MARCHF10: variants seen among roughly 807,000 people sequenced by gnomAD.
MARCHF10 encodes membrane associated ring-CH-type finger 10, also known as probable E3 ubiquitin-protein ligase MARCHF10.
MARCHF10 carries 64 observed loss-of-function variants against 76.2 expected under a neutral mutation model. The observed-to-expected ratio is 0.84, with a 90% CI of 0.69 to 1.03. The LOEUF (loss-of-function observed/expected upper bound fraction) is 1.03. Ranked by LOEUF, MARCHF10 falls within the 50% of genes least tolerant of loss-of-function variation. The pLI is 0.00. For synonymous variants in MARCHF10, 340 were observed against 357.5 expected, an observed-to-expected ratio of 0.95 and a Z score of 0.55; for missense variants, 875 against 958.0, an observed-to-expected ratio of 0.91 and a Z score of 1.14.
intron 5 of MARCHF10, among the ~76,000 whole-genome samples, chr17:62,740,001 T>A (rs2091446894): frequency 6.6e-6 from 1 of 151,924 alleles, no homozygotes; most frequent in Admixed American, 6.6e-5. Context: ...CCCTGTCTCG[T>A]CACCACAATG....
At chr17:62,778,065 C>T (rs531846949) in intron 3 of MARCHF10, among the ~76,000 whole-genome samples, 38 of 152,296 alleles carry the variant, frequency 2.5e-4, no homozygotes, top group Admixed American at 1.9e-3. Flanking sequence ...TTGACTAGCT[C>T]CCAGCCTAAG....
At chr17:62,766,223 G>A (rs1018173089) in intron 3 of MARCHF10, among the ~76,000 whole-genome samples, 3 of 151,882 alleles carry the variant, frequency 2.0e-5, no homozygotes, top group Non-Finnish European at 2.9e-5. Context: ...AATTGGGGCC[G>A]GACGCGGTGG....
intron 1 of MARCHF10, among the ~76,000 whole-genome samples, chr17:62,802,378 C>T (rs373001890): frequency 1.3e-5 from 2 of 152,096 alleles, no homozygotes; most frequent in East Asian, 1.9e-4. Flanking sequence ...TGCCACCACG[C>T]CTGGCTAATT....
At chr17:62,788,759 C>T (rs1245156724) in intron 2 of MARCHF10, among the ~76,000 whole-genome samples, 160 bp from the exon 3 acceptor site, 1 of 152,196 alleles carries the variant, frequency 6.6e-6, no homozygotes, top group Non-Finnish European at 1.5e-5. Context: ...TATCACTCTT[C>T]CCTTTGCTTA....
chr17:62,715,570 C>T (rs976750094), intron 8 of MARCHF10, among the ~76,000 whole-genome samples: 20 of 152,338 alleles, frequency 1.3e-4, no homozygotes, highest in African/African-American at 4.6e-4. Context: ...TGCTTCCAGG[C>T]GACAGCCAAC....
At position 62,714,006 on chromosome 17, in the gene MARCHF10, G is replaced by A. The variant is rs537694915; in HGVS notation, c.2215-2662C>T. Among the ~76,000 whole-genome samples, 28 of 152,326 alleles carry A rather than the reference G, an allele frequency of 1.8e-4. No homozygotes were observed. The South Asian group carries it at 5.8e-3, about 32-fold the overall frequency. ...TCCACTTAAAGAAGCTGACAGCCTG[G>A]CTGAATGTTCTATCAAGTCTTCAAA... On this transcript the variant is annotated intron_variant, in intron 8 of 10. Coordinates refer to ENST00000311269, the MANE Select transcript of MARCHF10 (RefSeq NM_152598.4).
intron 8 of MARCHF10, among the ~76,000 whole-genome samples, chr17:62,715,143 G>A (rs915295342): frequency 2.0e-5 from 3 of 152,150 alleles, no homozygotes; most frequent in Non-Finnish European, 4.4e-5. Context: ...TGATGCTAAC[G>A]CTCCTGGTTT....
intron 2 of MARCHF10, among the ~76,000 whole-genome samples, chr17:62,796,651 T>C (rs956241756): frequency 1.3e-5 from 2 of 152,208 alleles, no homozygotes; most frequent in Non-Finnish European, 2.9e-5. Flanking sequence ...ACTCAGCCCC[T>C]GCCCTTAAGA....
rs763414399 is a variant in MARCHF10, at chr17:62,701,620, G to A, written c.*83C>T. 1 of 1,609,808 alleles carries A rather than the reference G, an allele frequency of 6.2e-7. No individual in the cohort carries two copies. The highest frequency in any genetic ancestry group is 8.5e-7 in the Non-Finnish European group (1 of 1,179,092). ...CTTTGGTTTCAGTTTCAGTAAAGAG[G>A]AGGAGGGAGGGAGGCACTTGGGGAC... On this transcript the variant is annotated 3_prime_UTR_variant, in exon 11 of 11. Transcript: ENST00000311269.
At chr17:62,761,427 T>C (rs773586439) in intron 3 of MARCHF10, among the ~76,000 whole-genome samples, 5 of 152,176 alleles carry the variant, frequency 3.3e-5, no homozygotes, top group Non-Finnish European at 7.3e-5. Flanking sequence ...TTTTTCTTTT[T>C]TTCTTTTTTT....
At chr17:62,805,203 A>G (rs2093144774) in intron 1 of MARCHF10, among the ~76,000 whole-genome samples, 1 of 152,222 alleles carries the variant, frequency 6.6e-6, no homozygotes, top group Admixed American at 6.5e-5. Flanking sequence ...GCATTTTAAT[A>G]ATCACTTATG....
chr17:62,756,528 G>A (rs1411732619), intron 4 of MARCHF10, among the ~76,000 whole-genome samples: 1 of 152,150 alleles, frequency 6.6e-6, no homozygotes, highest in Non-Finnish European at 1.5e-5. Flanking sequence ...ACAACCTTAA[G>A]ACAAAGAAAA....
intron 5 of MARCHF10, among the ~76,000 whole-genome samples, chr17:62,740,081 T>C (rs547743906): frequency 0.11 from 8,771 of 83,484 alleles, 867 homozygotes; most frequent in African/African-American, 0.26. Flanking sequence ...TGTGTGTGTG[T>C]GCGTGTGTGT....
intron 3 of MARCHF10, among the ~76,000 whole-genome samples, chr17:62,785,834 C>T (rs1160881283): frequency 6.6e-6 from 1 of 152,206 alleles, no homozygotes; most frequent in East Asian, 1.9e-4. Context: ...AAGATACCAT[C>T]TCACACCAGT....
chr17:62,752,881 T>C (rs1192678958), intron 4 of MARCHF10, among the ~76,000 whole-genome samples: 1 of 152,084 alleles, frequency 6.6e-6, no homozygotes, highest in Non-Finnish European at 1.5e-5. Flanking sequence ...CCTCACACTC[T>C]CAGCTGGCCC....
intron 8 of MARCHF10, 95 bp downstream of exon 8, chr17:62,722,393 T>G: frequency 1.2e-6 from 1 of 837,586 alleles, no homozygotes; most frequent in Non-Finnish European, 1.9e-6. Context: ...AGCAGAGACC[T>G]TCTACATTTC....
chr17:62,742,152 T>G (rs1202507334), intron 5 of MARCHF10, among the ~76,000 whole-genome samples: 1 of 151,920 alleles, frequency 6.6e-6, no homozygotes, highest in African/African-American at 2.4e-5. Flanking sequence ...CCGGAGTAGC[T>G]AGGATTACAG....
In MARCHF10 at chr17:62,711,992, G is replaced by T. The variant is rs1013548913; in HGVS notation, c.2215-648C>A. Among the ~76,000 whole-genome samples the T allele has an allele frequency of 1.3e-5, 2 of 152,144 alleles. No homozygotes were observed. Among genetic ancestry groups the T allele is most frequent in the Admixed American group, 6.5e-5 (1 of 15,276 alleles). ...TTTCTCGCTGGTGCTCAGAACAGGC[G>T]CTACACAGGGAGGATGTGATGGTCT... On this transcript the variant is annotated intron_variant, in intron 8 of 10. Coordinates refer to ENST00000311269, the MANE Select transcript of MARCHF10 (RefSeq NM_152598.4). The surrounding 1 kb of genome is among the most constrained non-coding windows in gnomAD (Gnocchi z 4.4).
chr17:62,727,578 A>G (rs899130552), intron 6 of MARCHF10, among the ~76,000 whole-genome samples: 5 of 152,160 alleles, frequency 3.3e-5, no homozygotes, highest in Admixed American at 1.3e-4. Context: ...GTTTTATAGA[A>G]TTGAGACTGC....
Sources: allele counts gnomAD v4.1 joint callset (sites outside exome capture counted in the v4.1 genomes callset), GRCh38; gene constraint gnomAD v4.1.1; non-coding constraint Gnocchi (gnomAD v3.1); transcripts MANE v1.5; gene names NCBI Gene and HGNC (gene_info 2026-07-23, HGNC 2026-07-21).